The following DHRS7B variants were observed in gnomAD, a reference collection of about 807,000 sequenced individuals.
The protein encoded by DHRS7B is peroxisomal reductase activating PPAR-gamma.
In DHRS7B, 24 loss-of-function variants were observed where a neutral mutation model predicts 26.4. The ratio of observed to expected loss-of-function variants is 0.91; its 90% CI spans 0.66 to 1.28. The LOEUF is 1.28. Ranked by LOEUF, DHRS7B falls within the 50% of genes most tolerant of loss-of-function variation. DHRS7B has a pLI of 0.00. For missense variants in DHRS7B, 368 were observed against 419.4 expected (o/e 0.88, Z 1.07); for synonymous variants, 142 against 166.4 (o/e 0.85, Z 1.13).
Position 21,170,761 on chromosome 17 carries a change from A to G in DHRS7B, c.21-1257A>G, listed in dbSNP as rs547710264. Among the ~76,000 whole-genome samples the G allele has an allele frequency of 3.9e-5, 6 of 152,330 alleles. No homozygotes were observed. In the South Asian group the frequency reaches 1.0e-3, roughly 26 times the overall value. On this transcript the variant is annotated intron_variant, in intron 1 of 6. Coordinates refer to ENST00000395511, the MANE Select transcript of DHRS7B (RefSeq NM_015510.5). ...CCCTGAACATGAACTTCAGGATCAA[A>G]GCGACTTGGTGCATAGATGGATGTG...
chr17:21,185,936 C>T (rs1013285370), intron 5 of DHRS7B, among the ~76,000 whole-genome samples: 4 of 152,218 alleles, frequency 2.6e-5, no homozygotes, highest in South Asian at 2.1e-4. Flanking sequence ...GATCCGCCCA[C>T]CTCAGCCTCC....
intron 1 of DHRS7B, among the ~76,000 whole-genome samples, chr17:21,138,101 TAC>T (rs370861401): frequency 1.1e-3 from 97 of 86,106 alleles, no homozygotes; most frequent in East Asian, 9.2e-3. Context: ...TATATATATA[TAC>T]ACACACACAC....
chr17:21,166,144 G>A, intron 1 of DHRS7B: 10 of 985,476 alleles, frequency 1.0e-5, no homozygotes, highest in South Asian at 4.7e-5. Context: ...TCACAGGATT[G>A]CCGGGAAGCA....
intron 1 of DHRS7B, among the ~76,000 whole-genome samples, chr17:21,131,163 G>C (rs1973222122): frequency 6.6e-6 from 1 of 152,188 alleles, no homozygotes; most frequent in Non-Finnish European, 1.5e-5. Context: ...AATCCATAGA[G>C]AAAAGTGAAA....
At chr17:21,158,908 C>A (rs1391517392) in intron 1 of DHRS7B, among the ~76,000 whole-genome samples, 1 of 146,600 alleles carries the variant, frequency 6.8e-6, no homozygotes, top group Non-Finnish European at 1.5e-5. Flanking sequence ...TGATGTTTGA[C>A]AATGGAGAAA....
At position 21,178,226 on chromosome 17, in the gene DHRS7B, C is replaced by T. The variant is rs1255905969; in HGVS notation, c.200-7C>T. The T allele has an allele frequency of 6.2e-7, 1 of 1,613,694 alleles. No individual in the cohort carries two copies. On this transcript the variant is annotated splice_region_variant and splice_polypyrimidine_tract_variant and intron_variant, in intron 2 of 6. Transcript: ENST00000395511. ...ATGGCTGTCAAGGCTCTTTTCTCTT[C>T]CCTTAGAATGTGCAAAAGTCTTCTA...
At chr17:21,127,156 ACT>A (rs2143821346) in intron 1 of DHRS7B, 165 bp downstream of exon 1, 2 of 697,824 alleles carry the variant, frequency 2.9e-6, no homozygotes, top group South Asian at 5.0e-5. Context: ...CTGAAGGAAG[ACT>A]CAGCCCAGGC....
chr17:21,155,147 C>G (rs537549599), intron 1 of DHRS7B, among the ~76,000 whole-genome samples: 1 of 152,268 alleles, frequency 6.6e-6, no homozygotes, highest in African/African-American at 2.4e-5. Flanking sequence ...TGTCAATAAT[C>G]ACTTTAAATG....
At chr17:21,180,841 A>G (rs1974501092) in intron 3 of DHRS7B, among the ~76,000 whole-genome samples, 1 of 152,314 alleles carries the variant, frequency 6.6e-6, no homozygotes, top group South Asian at 2.1e-4. Flanking sequence ...TTGTGCAAAA[A>G]CTGCCAGTGG....
At chr17:21,170,943 A>C (rs1038952686) in intron 1 of DHRS7B, among the ~76,000 whole-genome samples, 20 of 152,238 alleles carry the variant, frequency 1.3e-4, no homozygotes, top group Non-Finnish European at 2.6e-4. Flanking sequence ...CTTATGAATA[A>C]TTTAGAGCTA....
At chr17:21,144,149 C>T (rs1973589490) in intron 1 of DHRS7B, among the ~76,000 whole-genome samples, 1 of 152,224 alleles carries the variant, frequency 6.6e-6, no homozygotes, top group Non-Finnish European at 1.5e-5. Flanking sequence ...ATGCTTGTAG[C>T]AGCTGAGGAC....
intron 1 of DHRS7B, 99 bp downstream of exon 1, chr17:21,127,090 G>C (rs916457861): frequency 3.7e-6 from 5 of 1,333,994 alleles, no homozygotes; most frequent in Non-Finnish European, 3.9e-6. Flanking sequence ...GCGGTGTAGT[G>C]GTCGAGCTAA....
intron 1 of DHRS7B, 177 bp downstream of exon 1, chr17:21,127,168 C>A: frequency 1.6e-6 from 1 of 632,428 alleles, no homozygotes; most frequent in Non-Finnish European, 2.5e-6. Flanking sequence ...TCAGCCCAGG[C>A]GCTGGGACCA....
At chr17:21,158,151 G>T (rs551103612) in intron 1 of DHRS7B, among the ~76,000 whole-genome samples, 9 of 152,180 alleles carry the variant, frequency 5.9e-5, no homozygotes, top group African/African-American at 1.9e-4. Context: ...TAATGGTGAA[G>T]AACTCAGCTT....
chr17:21,155,851 A>G (rs984954558), intron 1 of DHRS7B, among the ~76,000 whole-genome samples: 1 of 152,246 alleles, frequency 6.6e-6, no homozygotes, highest in Non-Finnish European at 1.5e-5. Flanking sequence ...ATTAAACAAC[A>G]TACTTGTGAA....
Position 21,155,205 on chromosome 17 carries a change from G to T in DHRS7B, c.21-16813G>T, listed in dbSNP as rs184471542. ...CATTTAAAAGGCAGAGATTGTGAGA[G>T]TTTATCAAAGAATAAGACCCAAATA... On this transcript the variant is annotated intron_variant, in intron 1 of 6. Coordinates refer to ENST00000395511, the MANE Select transcript of DHRS7B (RefSeq NM_015510.5). Among the ~76,000 whole-genome samples, 177 of 152,232 alleles carry T rather than the reference G, an allele frequency of 1.2e-3. 1 individual carries two copies. Among genetic ancestry groups the T allele is most frequent in the Non-Finnish European group, 2.9e-4 (20 of 68,012 alleles).
intron 1 of DHRS7B, among the ~76,000 whole-genome samples, chr17:21,164,277 C>T (rs1461377330): frequency 1.3e-5 from 2 of 152,024 alleles, no homozygotes; most frequent in Non-Finnish European, 2.9e-5. Flanking sequence ...GCAGTCCTCC[C>T]GCCTCAGCCT....
At chr17:21,135,598 C>T (rs1159089784) in intron 1 of DHRS7B, among the ~76,000 whole-genome samples, 1 of 152,136 alleles carries the variant, frequency 6.6e-6, no homozygotes, top group Non-Finnish European at 1.5e-5. Flanking sequence ...CTTAATAAAA[C>T]CAGCATGAAG....
At chr17:21,130,135 C>T (rs898911420) in intron 1 of DHRS7B, among the ~76,000 whole-genome samples, 1 of 152,184 alleles carries the variant, frequency 6.6e-6, no homozygotes, top group African/African-American at 2.4e-5. Context: ...CGGTGGCTCA[C>T]GCCTGTAATC....
Sources: gnomAD v4.1 joint callset for allele counts (sites outside exome capture counted in the v4.1 genomes callset) on GRCh38, gnomAD v4.1.1 for gene constraint, MANE v1.5 for transcripts, NCBI Gene and HGNC (gene_info 2026-07-23, HGNC 2026-07-21) for gene names.